The following CLNK variants were observed in gnomAD, a reference collection of about 807,000 sequenced individuals.
CLNK encodes the protein cytokine-dependent hematopoietic cell linker.
A neutral mutation model predicts 68.6 loss-of-function variants in CLNK; 74 were observed. The ratio of observed to expected loss-of-function variants is 1.08; its 90% CI spans 0.89 to 1.31. The LOEUF (loss-of-function observed/expected upper bound fraction) is 1.31. Among genes scored for constraint, CLNK ranks in the 50% most tolerant of loss-of-function variants. CLNK has a pLI of 0.00. For missense variants in CLNK, 553 were observed against 515.3 expected (o/e 1.07, Z -0.71); for synonymous variants, 198 against 172.2 (o/e 1.15, Z -1.17).
At chr4:10,605,279 G>A (rs79263764) in intron 2 of CLNK, among the ~76,000 whole-genome samples, 10,577 of 151,884 alleles carry the variant, frequency 0.07, 582 homozygotes, top group East Asian at 0.17. Flanking sequence ...GTGACACATC[G>A]CTTAATGACG....
rs1369047138 is a variant in CLNK, at chr4:10,616,790, G to GTGTGTATATATATA, written c.12-18742_12-18741insTATATATATACACA. ...TGTGTGTGTATATATGTGTGTGTGTGTATATATATATATATATATATATAT... is the reference window on the plus strand; with the variant it reads ...TGTGTGTGTATATATGTGTGTGTGTGTGTGTATATATATATATATATATATATATATATATATAT... On this transcript the variant is annotated intron_variant, in intron 2 of 18. Coordinates refer to ENST00000226951, the MANE Select transcript of CLNK (RefSeq NM_052964.4). Among the ~76,000 whole-genome samples the GTGTGTATATATATA allele has an allele frequency of 2.9e-3, 189 of 64,248 alleles. 3 individuals are homozygous for GTGTGTATATATATA. Among genetic ancestry groups the GTGTGTATATATATA allele is most frequent in the African/African-American group, 7.5e-3 (180 of 23,852 alleles). The allele number at this position is 64,248 out of a possible 152,430, so 42.1% of individuals were successfully genotyped here.
At chr4:10,710,195 G>C in the CLNK span, among the ~76,000 whole-genome samples, 1 of 152,200 alleles carries the variant, frequency 6.6e-6, no homozygotes, top group African/African-American at 2.4e-5. Flanking sequence ...CCTAACTCAA[G>C]CAAGTGCAGA....
chr4:10,566,923 G>A (rs565940748), intron 5 of CLNK, among the ~76,000 whole-genome samples: 1 of 152,040 alleles, frequency 6.6e-6, no homozygotes, highest in Non-Finnish European at 1.5e-5. Flanking sequence ...TTTGTACACT[G>A]AAAACTGCAA....
chr4:10,536,040 A>T (rs1175558808), intron 11 of CLNK, among the ~76,000 whole-genome samples: 1 of 152,226 alleles, frequency 6.6e-6, no homozygotes, highest in East Asian at 1.9e-4. Context: ...TCGTGAAACC[A>T]AGGCTTAGCT....
chr4:10,555,632 A>G (rs1719639759), intron 8 of CLNK, among the ~76,000 whole-genome samples: 1 of 152,242 alleles, frequency 6.6e-6, no homozygotes, highest in East Asian at 1.9e-4. Flanking sequence ...ATGACATAAA[A>G]TGTACATTAA....
Position 10,520,742 on chromosome 4 carries a change from C to T in CLNK, c.772+49G>A, listed in dbSNP as rs757823506. Reference sequence around the variant, plus strand: ...GCTAAGTCACAGTGCCACAATATCACAGTATCGTGACTTACCTGTTTATTT... The same window carrying T: ...GCTAAGTCACAGTGCCACAATATCATAGTATCGTGACTTACCTGTTTATTT... On this transcript the variant is annotated intron_variant, in intron 15 of 18. Coordinates refer to ENST00000226951, the MANE Select transcript of CLNK (RefSeq NM_052964.4). 6 of 1,402,982 alleles carry T rather than the reference C, an allele frequency of 4.3e-6. No homozygotes were observed. The African/African-American group carries it at 8.5e-5, about 20-fold the overall frequency. The allele number at this position is 1,402,982 out of a possible 1,614,324, so 86.9% of individuals were successfully genotyped here. A position where few individuals can be genotyped will look rare whatever the true frequency, so the allele number is the denominator to read the frequency against.
chr4:10,568,704 A>G (rs1720220021), intron 5 of CLNK, among the ~76,000 whole-genome samples: 1 of 152,208 alleles, frequency 6.6e-6, no homozygotes. Context: ...GGATTCTATG[A>G]AACAACCCGA....
At chr4:10,714,683 G>GGTGT in the CLNK span, among the ~76,000 whole-genome samples, 2,612 of 148,552 alleles carry the variant, frequency 0.018, 32 homozygotes, top group Middle Eastern at 0.066. Context: ...CATTCATTGT[G>GGTGT]GTGTGTGTGT....
chr4:10,612,382 C>A (rs986917185), intron 2 of CLNK, among the ~76,000 whole-genome samples: 1 of 152,222 alleles, frequency 6.6e-6, no homozygotes, highest in Non-Finnish European at 1.5e-5. Flanking sequence ...AAAGATCCCA[C>A]GTCCAAAGTG....
chr4:10,505,419 A>T (rs1177512190), intron 17 of CLNK, among the ~76,000 whole-genome samples: 1 of 152,224 alleles, frequency 6.6e-6, no homozygotes, highest in Non-Finnish European at 1.5e-5. Flanking sequence ...TGTTCCATTT[A>T]TTCTGTGTAT....
chr4:10,670,062 G>C (rs1426012055), intron 1 of CLNK, among the ~76,000 whole-genome samples: 1 of 152,172 alleles, frequency 6.6e-6, no homozygotes, highest in Non-Finnish European at 1.5e-5. Context: ...GACCCTCCTA[G>C]TTTATAAATA....
intron 2 of CLNK, among the ~76,000 whole-genome samples, chr4:10,645,313 T>C (rs1001767243): frequency 2.0e-5 from 3 of 152,106 alleles, no homozygotes; most frequent in Non-Finnish European, 4.4e-5. Flanking sequence ...GTCCCCAGAG[T>C]CTAGTCATTG....
intron 8 of CLNK, among the ~76,000 whole-genome samples, chr4:10,552,116 A>G (rs2108814784): frequency 6.6e-6 from 1 of 152,170 alleles, no homozygotes; most frequent in African/African-American, 2.4e-5. Flanking sequence ...TCAGCCTCCC[A>G]AAGTGTTGGG....
intron 1 of CLNK, among the ~76,000 whole-genome samples, chr4:10,668,113 C>A (rs1334736053): frequency 6.6e-6 from 1 of 152,136 alleles, no homozygotes; most frequent in Non-Finnish European, 1.5e-5. Flanking sequence ...GACAGGCTGT[C>A]CTCTTTCTGT....
At chr4:10,516,500 A>G (rs1038395138) in intron 15 of CLNK, among the ~76,000 whole-genome samples, 2 of 151,954 alleles carry the variant, frequency 1.3e-5, no homozygotes, top group African/African-American at 4.8e-5. Flanking sequence ...TAAGAAGAAC[A>G]CTACTTCTGA....
chr4:10,579,382 A>T (rs1275581600), intron 4 of CLNK, among the ~76,000 whole-genome samples: 1 of 151,602 alleles, frequency 6.6e-6, no homozygotes, highest in East Asian at 1.9e-4. Flanking sequence ...GAAAAGAGGA[A>T]GGAAGAGGGG....
rs576185690 is a variant in CLNK at position 10,520,233 on chromosome 4, G to A, written c.772+558C>T. Among the ~76,000 whole-genome samples, 5 of 152,298 alleles carry A rather than the reference G, an allele frequency of 3.3e-5. No homozygotes were observed. The East Asian group carries it at 7.7e-4, about 23-fold the overall frequency. ...GTATTTATATGCCACTTCAGACATCGCCGCAGATGTGATATCCTTCTGATT... is the reference window on the plus strand; with the variant it reads ...GTATTTATATGCCACTTCAGACATCACCGCAGATGTGATATCCTTCTGATT... On this transcript the variant is annotated intron_variant, in intron 15 of 18. Transcript: ENST00000226951.
intron 2 of CLNK, among the ~76,000 whole-genome samples, chr4:10,610,229 T>C (rs1388050254): frequency 6.6e-6 from 1 of 150,516 alleles, no homozygotes; most frequent in Non-Finnish European, 1.5e-5. Flanking sequence ...GCTAATTTTT[T>C]GTATTTTTAG....
At chr4:10,558,231 A>C (rs115539778) in intron 8 of CLNK, among the ~76,000 whole-genome samples, 176 bp downstream of exon 8, 2,223 of 152,346 alleles carry the variant, frequency 0.015, 21 homozygotes, top group Non-Finnish European at 0.023. Flanking sequence ...GGCAATAAAT[A>C]GGCATAAAGT....
Sources: gnomAD v4.1 joint callset for allele counts (sites outside exome capture counted in the v4.1 genomes callset) on GRCh38, gnomAD v4.1.1 for gene constraint, MANE v1.5 for transcripts, NCBI Gene and HGNC (gene_info 2026-07-23, HGNC 2026-07-21) for gene names.